BCR: variants seen among roughly 807,000 people sequenced by gnomAD.
BCR encodes breakpoint cluster region protein.
In BCR, 58 loss-of-function variants were observed where a neutral mutation model predicts 138.6. The observed-to-expected ratio is 0.42, with a 90% CI of 0.34 to 0.52. The LOEUF (loss-of-function observed/expected upper bound fraction) is 0.52, where lower values mean the gene tolerates loss of function less well. Ranked by LOEUF, BCR falls within the 20% of genes least tolerant of loss-of-function variation. The pLI is 0.06. For synonymous variants in BCR, 786 were observed against 730.1 expected, an observed-to-expected ratio of 1.08 and a Z score of -1.23; for missense variants, 1,599 against 1,727.2, an observed-to-expected ratio of 0.93 and a Z score of 1.32.
At chr22:23,214,873 A>G (rs1280565604) in intron 1 of BCR, among the ~76,000 whole-genome samples, 1 of 152,236 alleles carries the variant, frequency 6.6e-6, no homozygotes, top group Non-Finnish European at 1.5e-5. Flanking sequence ...CGATCGATGC[A>G]TGACATTAAC....
intron 1 of BCR, among the ~76,000 whole-genome samples, chr22:23,198,893 G>A (rs2072513546): frequency 6.6e-6 from 1 of 152,098 alleles, no homozygotes; most frequent in East Asian, 1.9e-4. Context: ...GCCGAGGCTG[G>A]TGTATCACCT....
intron 1 of BCR, among the ~76,000 whole-genome samples, chr22:23,191,169 G>A (rs5751605): frequency 0.077 from 11,730 of 152,202 alleles, 1,269 homozygotes; most frequent in East Asian, 0.55. Flanking sequence ...GGCCTCAAAC[G>A]ATCCTTCCCG....
At chr22:23,189,516 G>C (rs963208203) in intron 1 of BCR, among the ~76,000 whole-genome samples, 6 of 151,634 alleles carry the variant, frequency 4.0e-5, no homozygotes, top group Admixed American at 3.3e-4. Context: ...TTCTTTTCTT[G>C]AGACGGAGTT....
chr22:23,280,861 T>C (rs1978813447), intron 8 of BCR, among the ~76,000 whole-genome samples: 1 of 152,238 alleles, frequency 6.6e-6, no homozygotes, highest in African/African-American at 2.4e-5. Context: ...CCCACTGCCC[T>C]GCCCCGCTCT....
Position 23,223,291 on chromosome 22 carries a change from TGTGA to T in BCR, c.1280-30505_1280-30502del, listed in dbSNP as rs201551755. On this transcript the variant is annotated intron_variant, in intron 1 of 22. Transcript: ENST00000305877. ...GAATTGGGGTGTGAGTGTGAGCATGTGTGAGTATTTGTATGTGCACACTTGTGTG... is the reference window on the plus strand; with the variant it reads ...GAATTGGGGTGTGAGTGTGAGCATGTGTATTTGTATGTGCACACTTGTGTG... Among the ~76,000 whole-genome samples the T allele has an allele frequency of 8.6e-3, 1,312 of 152,294 alleles. 18 individuals carry two copies. Among genetic ancestry groups the T allele is most frequent in the African/African-American group, 0.03 (1,243 of 41,554 alleles).
chr22:23,199,357 G>A (rs758926653), intron 1 of BCR: 1 of 514,466 alleles, frequency 1.9e-6, no homozygotes, highest in Non-Finnish European at 3.9e-6. Context: ...GCCCTTGTGA[G>A]CCCCGCGGTT....
intron 1 of BCR, among the ~76,000 whole-genome samples, chr22:23,195,498 C>T (rs1412080119): frequency 1.3e-5 from 2 of 150,010 alleles, no homozygotes; most frequent in African/African-American, 4.9e-5. Context: ...GAGGCTGTGG[C>T]AGGAGAATTG....
chr22:23,195,167 TC>T (rs1453108395), intron 1 of BCR, among the ~76,000 whole-genome samples: 1 of 152,028 alleles, frequency 6.6e-6, no homozygotes, highest in African/African-American at 2.4e-5. Context: ...ACGCCTGTAA[TC>T]CTAGCACTTT....
chr22:23,201,583 G>A (rs972103638), intron 1 of BCR, among the ~76,000 whole-genome samples: 3 of 152,064 alleles, frequency 2.0e-5, no homozygotes, highest in Admixed American at 2.0e-4. Context: ...TCCGCCTCCT[G>A]AGTAGCTGGG....
At chr22:23,271,780 G>A (rs1793242338) in intron 6 of BCR, among the ~76,000 whole-genome samples, 188 bp downstream of exon 6, 1 of 152,140 alleles carries the variant, frequency 6.6e-6, no homozygotes, top group African/African-American at 2.4e-5. Context: ...GATACCATCA[G>A]GACCAGTTTG....
rs764184180 is a variant in BCR, at chr22:23,181,863, C to T, written c.903C>T (p.Ser301=). 1.2e-6 allele frequency: 2 copies of T among 1,612,758 alleles called. No individual in the cohort carries two copies. Among genetic ancestry groups the T allele is most frequent in the Admixed American group, 1.7e-5 (1 of 60,000 alleles). ...AGGGCCCGCTCCTGCGCAGCCAGAG[C>T]ACCTCTGAGCAGGAGAAGCGCCTTA... ...EGKGPLLRSQ[S]TSEQEKRLTW... Residue 301 remains serine (S), a synonymous_variant, in exon 1 of 23, where the codon AGC becomes AGT. Coordinates refer to ENST00000305877, the MANE Select transcript of BCR (RefSeq NM_004327.4).
intron 13 of BCR, 185 bp from the exon 14 acceptor site, chr22:23,290,154 C>G: frequency 1.5e-6 from 1 of 679,688 alleles, no homozygotes; most frequent in Non-Finnish European, 2.6e-6. Flanking sequence ...CAGCTGGATC[C>G]TGAGATCCCC....
chr22:23,282,900 G>A (rs2073664898), intron 8 of BCR, among the ~76,000 whole-genome samples: 1 of 152,228 alleles, frequency 6.6e-6, no homozygotes, highest in Non-Finnish European at 1.5e-5. Flanking sequence ...ACTCCTGAGG[G>A]TAGAGGCCTG....
intron 1 of BCR, among the ~76,000 whole-genome samples, chr22:23,229,317 A>G (rs1353216920): frequency 6.6e-6 from 1 of 152,174 alleles, no homozygotes; most frequent in Non-Finnish European, 1.5e-5. Context: ...TCTTAGTCTG[A>G]TAATTCAAAC....
chr22:23,244,807 C>A (rs776578238), intron 1 of BCR, among the ~76,000 whole-genome samples: 1 of 152,184 alleles, frequency 6.6e-6, no homozygotes, highest in Non-Finnish European at 1.5e-5. Context: ...CATCCTGGGG[C>A]GGAGGGCTGC....
At chr22:23,266,107 T>TAA (rs959649327) in intron 4 of BCR, among the ~76,000 whole-genome samples, 1 of 152,078 alleles carries the variant, frequency 6.6e-6, no homozygotes, top group African/African-American at 2.4e-5. Flanking sequence ...TTCCTTGAGA[T>TAA]AGAGTCTCAC....
At chr22:23,215,669 G>A (rs534383322) in intron 1 of BCR, among the ~76,000 whole-genome samples, 1 of 152,358 alleles carries the variant, frequency 6.6e-6, no homozygotes, top group East Asian at 1.9e-4. Context: ...CCTTGGAACA[G>A]TCAGTGATGA....
intron 16 of BCR, among the ~76,000 whole-genome samples, chr22:23,304,777 T>C (rs1329505649): frequency 1.3e-5 from 2 of 152,196 alleles, no homozygotes; most frequent in African/African-American, 4.8e-5. Context: ...TTTGAAGTGA[T>C]GTTAGAGACT....
chr22:23,282,851 G>A (rs998158231), intron 8 of BCR, among the ~76,000 whole-genome samples: 1 of 152,214 alleles, frequency 6.6e-6, no homozygotes. Flanking sequence ...TGGGCTGGGT[G>A]CCCACTAAAC....
Sources: allele counts gnomAD v4.1 joint callset (sites outside exome capture counted in the v4.1 genomes callset), GRCh38; gene constraint gnomAD v4.1.1; transcripts MANE v1.5; gene names NCBI Gene and HGNC (gene_info 2026-07-23, HGNC 2026-07-21).